The following CLIC5 variants were observed in gnomAD, a reference collection of about 807,000 sequenced individuals.
The protein encoded by CLIC5 is chloride intracellular channel protein 5.
CLIC5 carries 20 observed loss-of-function variants against 24.7 expected under a neutral mutation model. The ratio of observed to expected loss-of-function variants is 0.81; its 90% CI spans 0.57 to 1.18. The LOEUF (loss-of-function observed/expected upper bound fraction) is 1.18. Among genes scored for constraint, CLIC5 ranks in the 50% most tolerant of loss-of-function variants. The probability of loss-of-function intolerance (pLI) is 0.00; values close to 1 mark genes in which losing one functional copy is unlikely to be tolerated. For missense variants in CLIC5, 341 were observed against 326.1 expected (o/e 1.05, Z -0.35); for synonymous variants, 159 against 135.6 (o/e 1.17, Z -1.20).
chr6:45,904,496 T>G (rs1190613988), intron 5 of CLIC5, among the ~76,000 whole-genome samples: 1 of 151,426 alleles, frequency 6.6e-6, no homozygotes, highest in Non-Finnish European at 1.5e-5. Flanking sequence ...TGGAAATTCT[T>G]AATAATTTTT....
intron 1 of CLIC5, among the ~76,000 whole-genome samples, chr6:46,066,956 G>T (rs1423388742): frequency 6.6e-6 from 1 of 152,156 alleles, no homozygotes; most frequent in Non-Finnish European, 1.5e-5. Flanking sequence ...CGGTGAGTGA[G>T]GTAGAGCATG....
exon 1 of CLIC5, chr6:46,080,004 C>A: frequency 6.4e-7 from 1 of 1,551,684 alleles, no homozygotes; most frequent in Non-Finnish European, 8.7e-7. Context: ...CAGGAGGTAG[C>A]CTCTGTCTTC....
At chr6:45,883,179 A>G (rs1351193069) in intron 6 of CLIC5, among the ~76,000 whole-genome samples, 2 of 152,204 alleles carry the variant, frequency 1.3e-5, no homozygotes, top group African/African-American at 2.4e-5. Context: ...AACGAGTTCC[A>G]CAGTGGGGGT....
upstream of CLIC5, chr6:46,018,595 C>T (rs1203949453): frequency 1.3e-5 from 2 of 152,200 alleles, no homozygotes; most frequent in Non-Finnish European, 2.9e-5. Flanking sequence ...TTACTTTGTA[C>T]CCTTTAATGT....
At chr6:46,115,448 C>T in the CLIC5 span, among the ~76,000 whole-genome samples, 2 of 152,170 alleles carry the variant, frequency 1.3e-5, no homozygotes, top group Non-Finnish European at 2.9e-5. Context: ...ATAAGCTGCT[C>T]CAAACTGTGC....
At chr6:45,960,898 G>A (rs1048731962) in intron 1 of CLIC5, among the ~76,000 whole-genome samples, 16 of 152,174 alleles carry the variant, frequency 1.1e-4, no homozygotes, top group African/African-American at 3.6e-4. Context: ...CCACTTCTAA[G>A]TTTGTCCTTC....
At chr6:46,114,071 G>A in the CLIC5 span, among the ~76,000 whole-genome samples, 1 of 152,172 alleles carries the variant, frequency 6.6e-6, no homozygotes, top group Admixed American at 6.5e-5. Flanking sequence ...TTTATTTAAA[G>A]AGACATTACA....
rs1426805809 is a variant in CLIC5 at position 45,905,700 on chromosome 6, T to G, written c.589-2445A>C. Among the ~76,000 whole-genome samples, 9 of 152,162 alleles carry G rather than the reference T, an allele frequency of 5.9e-5. No homozygotes were observed. In the East Asian group the frequency reaches 1.7e-3, roughly 29 times the overall value. On this transcript the variant is annotated intron_variant, in intron 5 of 5. Transcript: ENST00000339561. ...GGCTAACTGTTCACTCTGTTGATAG[T>G]TTCTATGTGCAGAAGCTCTTTAGTA...
chr6:46,082,438 T>C (rs1334263092), upstream of CLIC5, among the ~76,000 whole-genome samples: 1 of 152,154 alleles, frequency 6.6e-6, no homozygotes, highest in East Asian at 1.9e-4. Flanking sequence ...CTACAATGGC[T>C]CCCCATTTAT....
chr6:45,889,816 C>T (rs1223491477), intron 6 of CLIC5, among the ~76,000 whole-genome samples: 1 of 152,182 alleles, frequency 6.6e-6, no homozygotes, highest in Non-Finnish European at 1.5e-5. Context: ...TTTTCTTACA[C>T]ATGTTCAAAG....
intron 1 of CLIC5, among the ~76,000 whole-genome samples, chr6:45,960,711 G>A (rs569315164): frequency 2.8e-4 from 42 of 152,166 alleles, no homozygotes; most frequent in Admixed American, 1.1e-3. Flanking sequence ...CCCTTTGCAA[G>A]CCCCACGTGT....
At chr6:45,989,895 T>C (rs959090511) in intron 1 of CLIC5, among the ~76,000 whole-genome samples, 11 of 152,314 alleles carry the variant, frequency 7.2e-5, no homozygotes, top group African/African-American at 2.4e-4. Context: ...GTATCTATGA[T>C]GGGATTCATC....
upstream of CLIC5, among the ~76,000 whole-genome samples, chr6:46,017,242 T>A (rs1211620068): frequency 6.6e-6 from 1 of 152,208 alleles, no homozygotes; most frequent in Non-Finnish European, 1.5e-5. Context: ...CTTTAATTAA[T>A]CCTGTTTGTG....
At chr6:45,913,598 G>A (rs1343185054) in intron 5 of CLIC5, among the ~76,000 whole-genome samples, 1 of 152,198 alleles carries the variant, frequency 6.6e-6, no homozygotes, top group Non-Finnish European at 1.5e-5. Flanking sequence ...GTGGGAGATT[G>A]TTTTGGATGA....
chr6:46,126,940 A>G, the CLIC5 span, among the ~76,000 whole-genome samples: 2 of 152,226 alleles, frequency 1.3e-5, no homozygotes, highest in East Asian at 3.8e-4. Flanking sequence ...TTAAATTTTG[A>G]AAACAGGATA....
intron 1 of CLIC5, among the ~76,000 whole-genome samples, chr6:46,045,550 T>C (rs1767930178): frequency 2.0e-5 from 3 of 152,174 alleles, no homozygotes; most frequent in East Asian, 1.9e-4. Flanking sequence ...GGTAACAAGA[T>C]GGTCTACCTG....
At chr6:46,120,807 C>T in the CLIC5 span, among the ~76,000 whole-genome samples, 9 of 151,326 alleles carry the variant, frequency 5.9e-5, no homozygotes, top group Non-Finnish European at 1.2e-4. Context: ...GTAGCCGATT[C>T]GATCAACTGG....
chr6:46,015,933 G>T (rs1013138587), upstream of CLIC5: 22 of 996,728 alleles, frequency 2.2e-5, no homozygotes, highest in South Asian at 6.1e-4. Context: ...GGGACGCGGC[G>T]GGGACACCCC....
intron 4 of CLIC5, among the ~76,000 whole-genome samples, chr6:45,916,194 G>A (rs1270798622): frequency 6.6e-6 from 1 of 152,218 alleles, no homozygotes; most frequent in African/African-American, 2.4e-5. Context: ...GTTGGGCATA[G>A]TTTCTCAATA....
Sources: gnomAD v4.1 joint callset for allele counts (sites outside exome capture counted in the v4.1 genomes callset) on GRCh38, gnomAD v4.1.1 for gene constraint, MANE v1.5 for transcripts, NCBI Gene and HGNC (gene_info 2026-07-23, HGNC 2026-07-21) for gene names.